The following PLCE1 variants were observed in gnomAD, a reference collection of about 807,000 sequenced individuals.
PLCE1 encodes the protein phospholipase C epsilon 1, also known as 1-phosphatidylinositol 4,5-bisphosphate phosphodiesterase epsilon-1.
A neutral mutation model predicts 242.8 loss-of-function variants in PLCE1; 119 were observed. The observed-to-expected ratio is 0.49, with a 90% CI of 0.42 to 0.57. The LOEUF is 0.57. Ranked by LOEUF, PLCE1 falls within the 20% of genes least tolerant of loss-of-function variation. The probability of loss-of-function intolerance (pLI) is 0.00; values close to 1 mark genes in which losing one functional copy is unlikely to be tolerated. For missense variants in PLCE1, 2,441 were observed against 2,788.8 expected, an observed-to-expected ratio of 0.88 and a Z score of 2.81; for synonymous variants, 945 against 1,017.4, an observed-to-expected ratio of 0.93 and a Z score of 1.35.
intron 2 of PLCE1, chr10:94,106,944 C>CTCTCTCTCTCT (rs1554855409): frequency 2.4e-5 from 3 of 126,286 alleles, no homozygotes; most frequent in African/African-American, 6.0e-5. Flanking sequence ...CTCTCTCTCT[C>CTCTCTCTCTCT]CCCCTCCCCT....
intron 21 of PLCE1, among the ~76,000 whole-genome samples, chr10:94,284,532 G>T (rs1261936504): frequency 6.6e-6 from 1 of 152,162 alleles, no homozygotes; most frequent in East Asian, 1.9e-4. Flanking sequence ...CAATGGAATT[G>T]TAAGATATGT....
At chr10:94,021,753 TG>T (rs1201237819) in intron 1 of PLCE1, among the ~76,000 whole-genome samples, 1 of 152,148 alleles carries the variant, frequency 6.6e-6, no homozygotes, top group Non-Finnish European at 1.5e-5. Flanking sequence ...TTTGCTAGAT[TG>T]TTTCAATTTG....
chr10:94,319,279 A>G (rs915514312), intron 29 of PLCE1, among the ~76,000 whole-genome samples: 1 of 152,244 alleles, frequency 6.6e-6, no homozygotes, highest in Non-Finnish European at 1.5e-5. Flanking sequence ...TAGTGTATCT[A>G]GGTTTACCTG....
At position 94,095,282 on chromosome 10, in the gene PLCE1, T is replaced by A. The variant is rs184192560; in HGVS notation, c.1207-36892T>A. On this transcript the variant is annotated intron_variant, in intron 2 of 32. Coordinates refer to ENST00000371380, the MANE Select transcript of PLCE1 (RefSeq NM_016341.4). Reference sequence around the variant, plus strand: ...CCCCTCTGCAGCATGCCTTTTCCTATTGGCTCCTTGATCCCCTTGTCCCTC... The same window carrying A: ...CCCCTCTGCAGCATGCCTTTTCCTAATGGCTCCTTGATCCCCTTGTCCCTC... Among the ~76,000 whole-genome samples, 218 of 152,300 alleles carry A rather than the reference T, an allele frequency of 1.4e-3. 1 individual carries two copies. Among genetic ancestry groups the A allele is most frequent in the African/African-American group, 3.9e-3 (163 of 41,552 alleles).
intron 3 of PLCE1, among the ~76,000 whole-genome samples, chr10:94,139,713 A>T (rs183015030): frequency 4.3e-5 from 6 of 140,804 alleles, no homozygotes; most frequent in Non-Finnish European, 6.2e-5. Context: ...TTTCCTCCCC[A>T]GTTCTTAACT....
intron 1 of PLCE1, among the ~76,000 whole-genome samples, chr10:94,021,461 G>A (rs1180949594): frequency 6.6e-6 from 1 of 151,876 alleles, no homozygotes. Flanking sequence ...GGGGGTTGAT[G>A]TTCATTTTTG....
intron 3 of PLCE1, among the ~76,000 whole-genome samples, chr10:94,133,085 T>C (rs990122128): frequency 5.9e-5 from 9 of 152,218 alleles, no homozygotes; most frequent in African/African-American, 2.2e-4. Context: ...AAATGTCAAT[T>C]ACTATGACAA....
At chr10:94,211,098 G>A (rs1392396490) in intron 4 of PLCE1, among the ~76,000 whole-genome samples, 1 of 152,210 alleles carries the variant, frequency 6.6e-6, no homozygotes, top group Non-Finnish European at 1.5e-5. Flanking sequence ...GCCCTAGGCT[G>A]GACACCCTTG....
At chr10:94,160,714 T>A (rs1223261731) in intron 3 of PLCE1, among the ~76,000 whole-genome samples, 1 of 152,196 alleles carries the variant, frequency 6.6e-6, no homozygotes, top group Non-Finnish European at 1.5e-5. Flanking sequence ...TCCTGAATGG[T>A]ATTGCCTAGG....
chr10:94,078,166 T>C (rs1183041928), intron 2 of PLCE1, among the ~76,000 whole-genome samples: 1 of 152,262 alleles, frequency 6.6e-6, no homozygotes, highest in African/African-American at 2.4e-5. Context: ...TTTAAAAATA[T>C]CTGAATTGAA....
intron 31 of PLCE1, 85 bp from the exon 32 acceptor site, chr10:94,324,807 G>A: frequency 8.0e-6 from 11 of 1,374,334 alleles, no homozygotes; most frequent in South Asian, 1.2e-5. Flanking sequence ...AGAGAGAAGA[G>A]GAAAGCGCTC....
intron 4 of PLCE1, among the ~76,000 whole-genome samples, chr10:94,185,383 C>G (rs563145761): frequency 6.6e-6 from 1 of 152,316 alleles, no homozygotes; most frequent in East Asian, 1.9e-4. Flanking sequence ...GTAATCCCAG[C>G]TACTTGGGAG....
intron 22 of PLCE1, among the ~76,000 whole-genome samples, chr10:94,286,463 A>C (rs2052451833): frequency 6.6e-6 from 1 of 152,196 alleles, no homozygotes; most frequent in South Asian, 2.1e-4. Context: ...GCAAGACCTC[A>C]TCTCTAAAAA....
chr10:94,000,464 G>A (rs765358511), intron 1 of PLCE1, among the ~76,000 whole-genome samples: 1 of 152,100 alleles, frequency 6.6e-6, no homozygotes, highest in Non-Finnish European at 1.5e-5. Flanking sequence ...AACTCATGTC[G>A]GAGGCTTAGA....
At chr10:94,203,412 T>C (rs1334627524) in intron 4 of PLCE1, among the ~76,000 whole-genome samples, 1 of 152,268 alleles carries the variant, frequency 6.6e-6, no homozygotes, top group Non-Finnish European at 1.5e-5. Context: ...TTCATATTCA[T>C]GTTTTAAGCA....
At chr10:94,072,609 A>G (rs982317536) in intron 2 of PLCE1, among the ~76,000 whole-genome samples, 35 of 152,160 alleles carry the variant, frequency 2.3e-4, no homozygotes, top group African/African-American at 8.0e-4. Flanking sequence ...TTTGTGACCT[A>G]TACAGACGAA....
At position 94,304,502 on chromosome 10, in the gene PLCE1, G is replaced by C. The variant is rs1258200464; in HGVS notation, c.5479G>C (p.Ala1827Pro). Reference sequence around the variant, plus strand: ...TACAGATCTCCCTTTACATTTAAATGCTGCAATGTTTGAGGCAAATGGTGG... The same window carrying C: ...TACAGATCTCCCTTTACATTTAAATCCTGCAATGTTTGAGGCAAATGGTGG... ...QTDDLPLHLN[A>P]AMFEANGGCG... The change falls in exon 25 of 33, where the codon GCT (alanine) becomes CCT (proline). Residue 1827 changes from alanine (A) to proline (P), a missense_variant. Transcript: ENST00000371380. 2 of 1,614,044 alleles carry C rather than the reference G, an allele frequency of 1.2e-6. No individual in the cohort carries two copies. The highest frequency in any genetic ancestry group is 1.7e-6 in the Non-Finnish European group (2 of 1,179,928).
chr10:94,054,808 C>G (rs975737303), intron 2 of PLCE1, among the ~76,000 whole-genome samples: 1 of 151,912 alleles, frequency 6.6e-6, no homozygotes, highest in African/African-American at 2.4e-5. Context: ...GTCAGGAGAT[C>G]GAGACCATCC....
At chr10:94,231,094 T>C (rs1589387427) in intron 5 of PLCE1, among the ~76,000 whole-genome samples, 1 of 152,368 alleles carries the variant, frequency 6.6e-6, no homozygotes, top group East Asian at 1.9e-4. Flanking sequence ...GGGTTTTCTA[T>C]ATTTTTGATA....
Sources: allele counts gnomAD v4.1 joint callset (sites outside exome capture counted in the v4.1 genomes callset), GRCh38; gene constraint gnomAD v4.1.1; transcripts MANE v1.5; gene names NCBI Gene and HGNC (gene_info 2026-07-23, HGNC 2026-07-21).